Variants in PAH observed in about 807,000 individuals in gnomAD.
PAH encodes the protein phenylalanine hydroxylase.
Under a neutral mutation model 62.0 loss-of-function variants are expected in PAH, and 64 were observed. That is an observed-to-expected ratio of 1.03 (90% CI 0.84 to 1.27). The LOEUF (loss-of-function observed/expected upper bound fraction) is 1.27, where lower values mean the gene tolerates loss of function less well. Ranked by LOEUF, PAH falls within the 50% of genes most tolerant of loss-of-function variation. The pLI is 0.00. For synonymous variants in PAH, 195 were observed against 196.2 expected, an observed-to-expected ratio of 0.99 and a Z score of 0.05; for missense variants, 579 against 542.8, an observed-to-expected ratio of 1.07 and a Z score of -0.66.
chr12:102,899,597 C>A (rs1025810299), intron 2 of PAH, among the ~76,000 whole-genome samples: 4 of 151,888 alleles, frequency 2.6e-5, no homozygotes, highest in Admixed American at 6.6e-5. Flanking sequence ...CGGTGGCTCA[C>A]GCCTGTAATC....
chr12:102,893,001 C>A (rs866397339), intron 3 of PAH, among the ~76,000 whole-genome samples: 12 of 152,218 alleles, frequency 7.9e-5, no homozygotes, highest in Middle Eastern at 3.4e-3. Flanking sequence ...AAATACCACA[C>A]AAATGCAAGA....
At chr12:102,898,881 GTAGTAAATATA>G (rs1362995094) in intron 2 of PAH, among the ~76,000 whole-genome samples, 1 of 152,180 alleles carries the variant, frequency 6.6e-6, no homozygotes, top group Non-Finnish European at 1.5e-5. Flanking sequence ...ACCTCTGGGT[GTAGTAAATATA>G]ATAAGTAACC....
At chr12:102,844,497 G>T in intron 9 of PAH, 66 bp from the exon 10 acceptor site, 1 of 1,017,448 alleles carries the variant, frequency 9.8e-7, no homozygotes, top group Non-Finnish European at 1.6e-6. Context: ...ACCTTGACTG[G>T]ATGAAGGGAT....
At chr12:102,847,699 A>C (rs1269282423) in intron 8 of PAH, among the ~76,000 whole-genome samples, 1 of 152,202 alleles carries the variant, frequency 6.6e-6, no homozygotes, top group Non-Finnish European at 1.5e-5. Flanking sequence ...GAAATAAACA[A>C]GAGGGACTAA....
intron 4 of PAH, among the ~76,000 whole-genome samples, chr12:102,871,436 T>C (rs1278810263): frequency 6.6e-6 from 1 of 152,186 alleles, no homozygotes; most frequent in Non-Finnish European, 1.5e-5. Context: ...GACCAATAAG[T>C]CACTATCTGT....
At chr12:102,916,525 C>T (rs918419913) in intron 1 of PAH, 1 of 164,634 alleles carries the variant, frequency 6.1e-6, no homozygotes, top group African/African-American at 2.4e-5. Context: ...AACTCTTGGT[C>T]ATTTTCCTCT....
chr12:102,913,061 A>T (rs1394091110), intron 1 of PAH, among the ~76,000 whole-genome samples, 163 bp from the exon 2 acceptor site: 1 of 152,188 alleles, frequency 6.6e-6, no homozygotes, highest in Non-Finnish European at 1.5e-5. Context: ...TGTGGTGGAA[A>T]ATAAGTAAGT....
chr12:102,865,658 A>G (rs980483458), intron 5 of PAH, among the ~76,000 whole-genome samples: 22 of 152,292 alleles, frequency 1.4e-4, no homozygotes, highest in Non-Finnish European at 8.8e-5. Flanking sequence ...GCTCAGCAGG[A>G]TCCAAGGCCC....
At chr12:102,889,512 G>A (rs538898760) in intron 3 of PAH, among the ~76,000 whole-genome samples, 1 of 150,380 alleles carries the variant, frequency 6.6e-6, no homozygotes, top group Admixed American at 6.6e-5. Context: ...AGGTGTAGAT[G>A]ATAGATGATG....
At chr12:102,936,471 AGTGAG>A (rs1879102907) in intron 1 of PAH, among the ~76,000 whole-genome samples, 1 of 152,176 alleles carries the variant, frequency 6.6e-6, no homozygotes, top group South Asian at 2.1e-4. Flanking sequence ...CAATGCTGAA[AGTGAG>A]GTGTTGATGT....
intron 1 of PAH, among the ~76,000 whole-genome samples, chr12:102,931,361 G>T (rs1261051884): frequency 6.6e-6 from 1 of 152,158 alleles, no homozygotes; most frequent in Admixed American, 6.5e-5. Flanking sequence ...GCAGTGGGGT[G>T]GGTAGGTGTT....
chr12:102,922,512 C>T (rs570644715), intron 1 of PAH, among the ~76,000 whole-genome samples: 1 of 152,240 alleles, frequency 6.6e-6, no homozygotes, highest in South Asian at 2.1e-4. Flanking sequence ...CCTTTTTAAA[C>T]TTTAAACTTA....
At chr12:102,859,752 G>T (rs1375187831) in intron 5 of PAH, among the ~76,000 whole-genome samples, 2 of 152,162 alleles carry the variant, frequency 1.3e-5, no homozygotes, top group African/African-American at 4.8e-5. Flanking sequence ...ATGCAGAGAA[G>T]GCCTTTGACA....
intron 1 of PAH, among the ~76,000 whole-genome samples, chr12:102,925,155 A>C (rs1249191838): frequency 6.6e-6 from 1 of 152,182 alleles, no homozygotes; most frequent in African/African-American, 2.4e-5. Context: ...ATTTGGCCAA[A>C]GAAATGCAAG....
intron 4 of PAH, among the ~76,000 whole-genome samples, chr12:102,867,090 C>G (rs1378033859): frequency 1.3e-5 from 2 of 152,184 alleles, no homozygotes; most frequent in Non-Finnish European, 2.9e-5. Context: ...ATTGCTCTTG[C>G]AATTTTTAAA....
rs935010380 is a variant in PAH, at chr12:102,838,017, C to T, written c.*1158G>A. The stretch of plus-strand genomic sequence containing the variant: ...GAAACACTATGCAAATTCTTTAAGA[C>T]TTAACTATTTCCAAAATAAAATGTA... On this transcript the variant is annotated 3_prime_UTR_variant, in exon 13 of 13. Transcript: ENST00000553106. 2.0e-5 allele frequency: 3 copies of T among 152,208 alleles called. No homozygotes were observed. Among genetic ancestry groups the T allele is most frequent in the Non-Finnish European group, 2.9e-5 (2 of 68,032 alleles). The allele number at this position is 152,208 out of a possible 1,614,324, so 9.4% of individuals were successfully genotyped here.
chr12:102,915,158 C>T (rs1284044401), intron 1 of PAH: 2 of 152,222 alleles, frequency 1.3e-5, no homozygotes, highest in African/African-American at 2.4e-5. Flanking sequence ...TTTCCAAGAT[C>T]TCACCTTCCT....
rs137978222 is a variant in PAH, at chr12:102,862,984, C to T, written c.509+3612G>A. Among the ~76,000 whole-genome samples the T allele has an allele frequency of 3.2e-3, 482 of 151,996 alleles. 2 individuals are homozygous for T. Among genetic ancestry groups the T allele is most frequent in the African/African-American group, 0.011 (438 of 41,484 alleles). On this transcript the variant is annotated intron_variant, in intron 5 of 12. Coordinates refer to ENST00000553106, the MANE Select transcript of PAH (RefSeq NM_000277.3). ...TCAGGTAAGCTCTTGCCCAAGAACGCGCCATTATCGAGACTAAGCACTGAT... is the reference window on the plus strand; with the variant it reads ...TCAGGTAAGCTCTTGCCCAAGAACGTGCCATTATCGAGACTAAGCACTGAT...
chr12:102,955,139 G>T (rs1045064252), upstream of PAH, among the ~76,000 whole-genome samples: 3 of 152,152 alleles, frequency 2.0e-5, no homozygotes, highest in East Asian at 5.8e-4. Context: ...ACAAGACAAG[G>T]CTTCTTCACT....
Sources: gnomAD v4.1 joint callset for allele counts (sites outside exome capture counted in the v4.1 genomes callset) on GRCh38, gnomAD v4.1.1 for gene constraint, MANE v1.5 for transcripts, NCBI Gene and HGNC (gene_info 2026-07-23, HGNC 2026-07-21) for gene names.